URB1: variants seen among roughly 807,000 people sequenced by gnomAD.
URB1 encodes nucleolar pre-ribosomal-associated protein 1.
A neutral mutation model predicts 242.3 loss-of-function variants in URB1; 197 were observed. That is an observed-to-expected ratio of 0.81 (90% CI 0.72 to 0.91). The LOEUF is 0.91. Among genes scored for constraint, URB1 ranks in the 40% least tolerant of loss-of-function variants. URB1 has a pLI of 0.00. For missense variants in URB1, 2,721 were observed against 2,860.5 expected, an observed-to-expected ratio of 0.95 and a Z score of 1.11; for synonymous variants, 1,153 against 1,201.8, an observed-to-expected ratio of 0.96 and a Z score of 0.84.
Position 32,385,686 on chromosome 21 carries a change from T to C in URB1, c.143-2A>G, listed in dbSNP as rs1344222180. ...CAGCAGACACAAACGCTTCCAAGCC[T>C]GAAAAAAAAGTTATGTTCAAACATT... On this transcript the variant is annotated splice_acceptor_variant, in intron 1 of 38. Transcript: ENST00000382751. LOFTEE classifies it high-confidence loss of function. 7 of 1,547,284 alleles carry C rather than the reference T, an allele frequency of 4.5e-6. No homozygotes were observed. Among genetic ancestry groups the C allele is most frequent in the Middle Eastern group, 1.7e-4 (1 of 5,978 alleles).
intron 1 of URB1, among the ~76,000 whole-genome samples, chr21:32,386,151 GAAA>G (rs10717995): frequency 2.4e-5 from 3 of 126,614 alleles, no homozygotes; most frequent in Admixed American, 8.2e-5. Context: ...TCTGTCTCAG[GAAA>G]AAAAAAAAAA....
chr21:32,312,392 T>C lies in URB1; in HGVS notation c.*2526A>G. 9.3e-7 allele frequency: 1 copy of C among 1,072,072 alleles called. No homozygotes were observed. 66.4% of individuals were successfully genotyped at this position (1,072,072 alleles called of 1,614,324 possible). On this transcript the variant is annotated 3_prime_UTR_variant, in exon 39 of 39. Transcript: ENST00000382751. ...TCCTTCTGTACCTTTGTTAGGATGC[T>C]GGGTAAGTTCCCATCCAAGCTCCAC...
chr21:32,389,299 C>A lies in URB1; in HGVS notation c.142+3470G>T, dbSNP rs565008578. ...GGGGGAGGGCAGCCTGAGATGAAGT[C>A]AAAGAAGCAGGCAGGGCTAGATGAA... On this transcript the variant is annotated intron_variant, in intron 1 of 38. Coordinates refer to ENST00000382751, the MANE Select transcript of URB1 (RefSeq NM_014825.3). 1.2e-3 allele frequency among the ~76,000 whole-genome samples: 185 copies of A among 152,066 alleles called. 1 individual carries two copies. Among genetic ancestry groups the A allele is most frequent in the African/African-American group, 4.0e-3 (165 of 41,426 alleles).
At chr21:32,380,424 T>C (rs1390629856) in intron 4 of URB1, among the ~76,000 whole-genome samples, 1 of 152,232 alleles carries the variant, frequency 6.6e-6, no homozygotes, top group African/African-American at 2.4e-5. Context: ...TATCTGTGTG[T>C]CTCATCACAA....
chr21:32,351,072 T>A, intron 19 of URB1, 150 bp from the exon 20 acceptor site: 2 of 842,332 alleles, frequency 2.4e-6, no homozygotes, highest in East Asian at 2.7e-5. Context: ...GTGTGGCATT[T>A]TACTTCAGTA....
At chr21:32,319,189 G>T (rs2032730906) in intron 36 of URB1, 28 bp downstream of exon 36, 3 of 1,531,424 alleles carry the variant, frequency 2.0e-6, no homozygotes, top group South Asian at 1.2e-5. Context: ...GAGGCCAGAA[G>T]GGCCCCCCTG....
At chr21:32,350,614 A>C in intron 20 of URB1, 90 bp downstream of exon 20, 1 of 1,411,776 alleles carries the variant, frequency 7.1e-7, no homozygotes, top group Non-Finnish European at 9.7e-7. Flanking sequence ...AGGGAGCAAG[A>C]GTGTGCTGGG....
intron 13 of URB1, among the ~76,000 whole-genome samples, chr21:32,360,400 A>G (rs2010203): frequency 0.55 from 84,104 of 152,134 alleles, 28,330 homozygotes; most frequent in Non-Finnish European, 0.75. Context: ...AGCAAAGAGA[A>G]CTTTTCACCT....
At chr21:32,375,514 C>CA (rs2033449447) in intron 5 of URB1, 31 bp from the exon 6 acceptor site, 1 of 1,320,908 alleles carries the variant, frequency 7.6e-7, no homozygotes, top group Non-Finnish European at 1.0e-6. Context: ...GCATTAAATT[C>CA]AAAAATATTT....
At chr21:32,381,004 C>T (rs2146051645) in intron 4 of URB1, among the ~76,000 whole-genome samples, 1 of 152,270 alleles carries the variant, frequency 6.6e-6, no homozygotes, top group South Asian at 2.1e-4. Context: ...CTTTTATATC[C>T]CAGACAACTC....
Position 32,312,097 on chromosome 21 carries a change from A to C in URB1, c.*2821T>G. On this transcript the variant is annotated 3_prime_UTR_variant, in exon 39 of 39. Coordinates refer to ENST00000382751, the MANE Select transcript of URB1 (RefSeq NM_014825.3). The stretch of plus-strand genomic sequence containing the variant: ...CTTAGAGGCCATTTGCATGTAGCAG[A>C]AAGGGCACCTAGGTCAAGTGCAACT... 5.0e-6 allele frequency: 8 copies of C among 1,586,850 alleles called. No individual in the cohort carries two copies. Among genetic ancestry groups the C allele is most frequent in the Non-Finnish European group, 6.8e-6 (8 of 1,172,978 alleles).
Position 32,320,647 on chromosome 21 carries a change from A to ATGGG in URB1, c.5485-8_5485-7insCCCA. 2 of 1,545,160 alleles carry ATGGG rather than the reference A, an allele frequency of 1.3e-6. No individual in the cohort carries two copies. The highest frequency in any genetic ancestry group is 1.8e-6 in the Non-Finnish European group (2 of 1,142,006). ...GAATTTCCAGAATCCAATTCTGAAA[A>ATGGG]CCCCAAACAAGAAGTTACTCTTCAG... On this transcript the variant is annotated splice_polypyrimidine_tract_variant and splice_region_variant and intron_variant, in intron 34 of 38. Transcript: ENST00000382751.
intron 31 of URB1, 30 bp downstream of exon 31, chr21:32,325,199 C>T (rs1474019298): frequency 1.3e-6 from 2 of 1,529,158 alleles, no homozygotes; most frequent in African/African-American, 1.4e-5. Context: ...GGCCCACCCC[C>T]ACAGTAGGAT....
chr21:32,331,469 T>C (rs2032891933), intron 30 of URB1, among the ~76,000 whole-genome samples: 1 of 152,150 alleles, frequency 6.6e-6, no homozygotes, highest in South Asian at 2.1e-4. Flanking sequence ...GTAGAACAAA[T>C]ATAAGATGAT....
At chr21:32,356,104 G>C (rs1195624561) in intron 15 of URB1, among the ~76,000 whole-genome samples, 1 of 152,214 alleles carries the variant, frequency 6.6e-6, no homozygotes, top group Non-Finnish European at 1.5e-5. Flanking sequence ...AATCTGGCCA[G>C]GCATAGGGGC....
chr21:32,329,106 C>CA (rs5843551), intron 30 of URB1, among the ~76,000 whole-genome samples: 123,934 of 147,592 alleles, frequency 0.84, 52,245 homozygotes, highest in Admixed American at 0.89. Flanking sequence ...CAGTCTCTAC[C>CA]AAAAAAAAAA....
rs2033308659 is a variant in URB1 at position 32,363,217 on chromosome 21, C to A, written c.1448G>T (p.Gly483Val). Residue 483 changes from glycine (G) to valine (V), a missense_variant, in exon 11 of 39, where the codon GGC becomes GTC. Physicochemically the swap from Gly to Val is moderately radical, Grantham distance 109. Transcript: ENST00000382751. ...CLNKEVWQESGVYTAVMMEEF... is the reference protein window; with the variant it reads ...CLNKEVWQESVVYTAVMMEEF... ...TTCCATCATCACAGCTGTGTACACG[C>A]CTGATTCCTGCCACACCTCTTTATT... 6.4e-7 allele frequency: 1 copy of A among 1,552,068 alleles called. No homozygotes were observed. Among genetic ancestry groups the A allele is most frequent in the Non-Finnish European group, 8.7e-7 (1 of 1,147,086 alleles).
chr21:32,341,335 A>G (rs1394578108), intron 25 of URB1, 131 bp downstream of exon 25: 2 of 849,480 alleles, frequency 2.4e-6, no homozygotes, highest in African/African-American at 3.4e-5. Flanking sequence ...TCCAACTTCT[A>G]TCTCTAAAAA....
intron 36 of URB1, 42 bp downstream of exon 36, chr21:32,319,175 C>T: frequency 6.6e-7 from 1 of 1,523,590 alleles, no homozygotes; most frequent in Non-Finnish European, 8.8e-7. Context: ...AACACAGCAT[C>T]CAAGAGGCCA....
Sources: allele counts gnomAD v4.1 joint callset (sites outside exome capture counted in the v4.1 genomes callset), GRCh38; gene constraint gnomAD v4.1.1; transcripts MANE v1.5; gene names NCBI Gene and HGNC (gene_info 2026-07-23, HGNC 2026-07-21).